ASAP1: variants seen among roughly 807,000 people sequenced by gnomAD.
ASAP1 encodes the protein arf-GAP with SH3 domain, ANK repeat and PH domain-containing protein 1.
Under a neutral mutation model 145.2 loss-of-function variants are expected in ASAP1, and 43 were observed. The ratio of observed to expected loss-of-function variants is 0.30; its 90% CI spans 0.23 to 0.38. ASAP1 has a LOEUF of 0.38. Ranked by LOEUF, ASAP1 falls within the 10% of genes least tolerant of loss-of-function variation. The pLI is 1.00. For synonymous variants in ASAP1, 546 were observed against 515.5 expected, an observed-to-expected ratio of 1.06 and a Z score of -0.80; for missense variants, 1,018 against 1,355.3, an observed-to-expected ratio of 0.75 and a Z score of 3.91.
chr8:130,337,697 A>G (rs543695649), intron 3 of ASAP1, among the ~76,000 whole-genome samples: 1 of 152,338 alleles, frequency 6.6e-6, no homozygotes, highest in Admixed American at 6.5e-5. Flanking sequence ...CTTCTGTAAT[A>G]CATCTGTTTT....
At chr8:130,432,434 T>A (rs1170905142) in intron 1 of ASAP1, among the ~76,000 whole-genome samples, 1 of 152,160 alleles carries the variant, frequency 6.6e-6, no homozygotes, top group African/African-American at 2.4e-5. Flanking sequence ...ACAGGGTGGT[T>A]GGCTAAAGCC....
intron 18 of ASAP1, among the ~76,000 whole-genome samples, chr8:130,122,760 G>C (rs1460458785): frequency 6.6e-6 from 1 of 152,224 alleles, no homozygotes; most frequent in African/African-American, 2.4e-5. Flanking sequence ...TTTTGAAGGT[G>C]AAAGTCTTAC....
intron 3 of ASAP1, among the ~76,000 whole-genome samples, chr8:130,302,266 G>A (rs1455818425): frequency 6.6e-6 from 1 of 152,218 alleles, no homozygotes; most frequent in Non-Finnish European, 1.5e-5. Flanking sequence ...TAAACACAAT[G>A]GAAACCAGCC....
chr8:130,218,625 G>C (rs551930559), intron 4 of ASAP1, among the ~76,000 whole-genome samples: 98 of 152,300 alleles, frequency 6.4e-4, no homozygotes, highest in Middle Eastern at 6.8e-3. Flanking sequence ...ATAGGAAGAA[G>C]GTGTTGGGAG....
intron 1 of ASAP1, among the ~76,000 whole-genome samples, chr8:130,429,566 C>T (rs954471350): frequency 6.6e-6 from 1 of 152,238 alleles, no homozygotes; most frequent in African/African-American, 2.4e-5. Flanking sequence ...TCTTACCAGC[C>T]ATCCATACCA....
chr8:130,361,786 A>G, intron 2 of ASAP1: 1 of 1,509,404 alleles, frequency 6.6e-7, no homozygotes, highest in Middle Eastern at 1.7e-4. Flanking sequence ...AAGCAAATAG[A>G]GACTGACATG....
At chr8:130,317,295 C>G (rs1357025900) in intron 3 of ASAP1, among the ~76,000 whole-genome samples, 3 of 152,154 alleles carry the variant, frequency 2.0e-5, no homozygotes, top group Non-Finnish European at 4.4e-5. Context: ...CACCATACAG[C>G]CAAAACGGCC....
intron 24 of ASAP1, among the ~76,000 whole-genome samples, chr8:130,100,104 T>A (rs1036239475): frequency 1.3e-5 from 2 of 152,196 alleles, no homozygotes; most frequent in Non-Finnish European, 2.9e-5. Context: ...TTTTCATTAG[T>A]ACCTGTACTA....
At chr8:130,338,275 G>A (rs1825161113) in intron 3 of ASAP1, among the ~76,000 whole-genome samples, 1 of 152,234 alleles carries the variant, frequency 6.6e-6, no homozygotes, top group African/African-American at 2.4e-5. Context: ...GCACAGTTAA[G>A]TGGCAGCAGC....
At chr8:130,343,801 A>G (rs1340019) in intron 3 of ASAP1, among the ~76,000 whole-genome samples, 28,653 of 152,238 alleles carry the variant, frequency 0.19, 3,146 homozygotes, top group Non-Finnish European at 0.25. Context: ...GGAGGGAAAC[A>G]TTTAATACAA....
chr8:130,178,874 T>G (rs1452422502), intron 9 of ASAP1, among the ~76,000 whole-genome samples: 1 of 146,346 alleles, frequency 6.8e-6, no homozygotes, highest in African/African-American at 2.5e-5. Flanking sequence ...GGCAACAGAG[T>G]GAGACTCCGT....
chr8:130,235,029 C>G (rs1450322347), intron 4 of ASAP1, among the ~76,000 whole-genome samples: 1 of 152,102 alleles, frequency 6.6e-6, no homozygotes, highest in Non-Finnish European at 1.5e-5. Flanking sequence ...TTTGTCCATA[C>G]AATCCCCTGC....
chr8:130,085,900 G>T (rs1307276610), intron 25 of ASAP1, among the ~76,000 whole-genome samples: 1 of 152,192 alleles, frequency 6.6e-6, no homozygotes, highest in Non-Finnish European at 1.5e-5. Flanking sequence ...ACAGAAGCAG[G>T]ACTTCAGTAA....
At chr8:130,118,707 T>C in intron 18 of ASAP1, 32 bp from the exon 19 acceptor site, 1 of 1,373,412 alleles carries the variant, frequency 7.3e-7, no homozygotes, top group East Asian at 2.5e-5. Context: ...AATTTTTATT[T>C]TCCAAGTGCT....
At chr8:130,353,345 A>C (rs1193134510) in intron 3 of ASAP1, among the ~76,000 whole-genome samples, 1 of 152,164 alleles carries the variant, frequency 6.6e-6, no homozygotes, top group African/African-American at 2.4e-5. Flanking sequence ...TCATATCCAA[A>C]TCTTCGAAAG....
At chr8:130,425,192 C>T (rs1459658198) in intron 1 of ASAP1, among the ~76,000 whole-genome samples, 2 of 151,600 alleles carry the variant, frequency 1.3e-5, no homozygotes, top group Non-Finnish European at 2.9e-5. Context: ...ATTAGCTGGG[C>T]ATGGTAGCAG....
intron 13 of ASAP1, among the ~76,000 whole-genome samples, chr8:130,148,006 T>G (rs1440697041): frequency 6.6e-6 from 1 of 152,236 alleles, no homozygotes; most frequent in Non-Finnish European, 1.5e-5. Context: ...TTAGGCAGTT[T>G]CAGATTCAAA....
chr8:130,313,073 T>G lies in ASAP1; in HGVS notation c.186+44944A>C, dbSNP rs577835066. Among the ~76,000 whole-genome samples the G allele has an allele frequency of 3.3e-5, 5 of 152,334 alleles. No homozygotes were observed. In the East Asian group the frequency reaches 9.6e-4, roughly 29 times the overall value. On this transcript the variant is annotated intron_variant, in intron 3 of 29. Transcript: ENST00000518721. ...CTGTTGGGTTTTTAATACTTTAGGT[T>G]TTCATGGAAGAATCATAAGTACATT...
At chr8:130,151,406 A>G (rs2097646111) in intron 13 of ASAP1, among the ~76,000 whole-genome samples, 1 of 145,680 alleles carries the variant, frequency 6.9e-6, no homozygotes, top group African/African-American at 2.5e-5. Flanking sequence ...AAAAAAAAAA[A>G]AAAAAGATTG....
Sources: allele counts gnomAD v4.1 joint callset (sites outside exome capture counted in the v4.1 genomes callset), GRCh38; gene constraint gnomAD v4.1.1; transcripts MANE v1.5; gene names NCBI Gene and HGNC (gene_info 2026-07-23, HGNC 2026-07-21).